TTC39B: variants seen among roughly 807,000 people sequenced by gnomAD.
TTC39B encodes the protein tetratricopeptide repeat domain 39B.
In TTC39B, 92 loss-of-function variants were observed where a neutral mutation model predicts 96.6. The ratio of observed to expected loss-of-function variants is 0.95; its 90% CI spans 0.80 to 1.13. TTC39B has a LOEUF of 1.13. TTC39B is among the 50% of genes most tolerant of loss of function. The probability of loss-of-function intolerance (pLI) is 0.00; values close to 1 mark genes in which losing one functional copy is unlikely to be tolerated. For synonymous variants in TTC39B, 367 were observed against 299.4 expected (o/e 1.23, Z -2.33); for missense variants, 955 against 809.3 (o/e 1.18, Z -2.18).
intron 1 of TTC39B, among the ~76,000 whole-genome samples, chr9:15,284,079 A>C (rs968654199): frequency 2.3e-4 from 35 of 152,336 alleles, no homozygotes; most frequent in Admixed American, 5.2e-4. Flanking sequence ...TAAACAAAGA[A>C]CACTCCTACA....
intron 1 of TTC39B, among the ~76,000 whole-genome samples, chr9:15,270,173 G>GAAA (rs771648676): frequency 1.7e-3 from 237 of 142,214 alleles, no homozygotes; most frequent in African/African-American, 5.9e-3. Flanking sequence ...CCATCTCAAG[G>GAAA]AAAAAAAAAA....
chr9:15,226,447 T>C (rs1357154033), intron 2 of TTC39B, among the ~76,000 whole-genome samples: 2 of 152,186 alleles, frequency 1.3e-5, no homozygotes, highest in Non-Finnish European at 2.9e-5. Context: ...CCAGAGTTGC[T>C]TTATCATAGC....
At position 15,168,955 on chromosome 9, in the gene TTC39B, A is replaced by G. The variant is rs887108485; in HGVS notation, c.*3064T>C. The stretch of plus-strand genomic sequence containing the variant: ...TTATTTGAAATGGTAGGGGGGGAGC[A>G]TTTTTTCTTTACACACTCCCTGCTG... On this transcript the variant is annotated 3_prime_UTR_variant, in exon 20 of 20. Transcript: ENST00000512701. The G allele has an allele frequency of 3.2e-4, 49 of 151,944 alleles. 2 individuals carry two copies. Among genetic ancestry groups the G allele is most frequent in the Admixed American group, 6.6e-5 (1 of 15,252 alleles). The allele number at this position is 151,944 out of a possible 1,614,324, so 9.4% of individuals were successfully genotyped here. A position where few individuals can be genotyped will look rare whatever the true frequency, so the allele number is the denominator to read the frequency against.
At chr9:15,198,017 A>C (rs993635296) in intron 8 of TTC39B, among the ~76,000 whole-genome samples, 1 of 152,246 alleles carries the variant, frequency 6.6e-6, no homozygotes, top group Non-Finnish European at 1.5e-5. Context: ...AGTAAACAGG[A>C]AATATATTTA....
intron 1 of TTC39B, among the ~76,000 whole-genome samples, chr9:15,275,230 G>A (rs1234850222): frequency 5.3e-5 from 8 of 152,116 alleles, no homozygotes; most frequent in South Asian, 4.2e-4. Flanking sequence ...TAGTAGAGAC[G>A]GGGTTTCTCC....
At chr9:15,172,095 T>C (rs773587394) in exon 20 of TTC39B, 1 of 1,612,168 alleles carries the variant, frequency 6.2e-7, no homozygotes, top group Admixed American at 1.7e-5. Context: ...CAGGGAGTAA[T>C]CTTTGTAGTT....
intron 1 of TTC39B, among the ~76,000 whole-genome samples, chr9:15,284,953 A>C (rs1373000125): frequency 6.6e-5 from 10 of 152,196 alleles, no homozygotes; most frequent in African/African-American, 2.4e-4. Flanking sequence ...ATTTCAGCTA[A>C]ATTTGTTTTA....
At chr9:15,241,194 A>T (rs1395996396) in intron 2 of TTC39B, among the ~76,000 whole-genome samples, 1 of 152,084 alleles carries the variant, frequency 6.6e-6, no homozygotes, top group Non-Finnish European at 1.5e-5. Context: ...AAATAGATGG[A>T]TTCATAACTG....
chr9:15,226,954 G>C (rs1821153355), intron 2 of TTC39B, among the ~76,000 whole-genome samples: 1 of 152,002 alleles, frequency 6.6e-6, no homozygotes, highest in Non-Finnish European at 1.5e-5. Context: ...ATTAAAAAAA[G>C]AGGAGAAGTT....
At chr9:15,164,973 T>C (rs1263456365) in exon 20 of TTC39B, 1 of 152,230 alleles carries the variant, frequency 6.6e-6, no homozygotes, top group Non-Finnish European at 1.5e-5. Context: ...AATTATTTTC[T>C]TAAAGAAAAA....
intron 15 of TTC39B, 139 bp from the exon 16 acceptor site, chr9:15,185,545 T>G: frequency 7.3e-7 from 1 of 1,363,494 alleles, no homozygotes; most frequent in Non-Finnish European, 1.0e-6. Flanking sequence ...GAAATGCCAA[T>G]TTTCAGGCCC....
intron 10 of TTC39B, among the ~76,000 whole-genome samples, chr9:15,190,895 AGAAAGCATAG>A (rs996439205): frequency 5.9e-5 from 9 of 152,140 alleles, no homozygotes; most frequent in Admixed American, 3.9e-4. Context: ...TCAACTATTA[AGAAAGCATAG>A]GAAACCACGT....
chr9:15,273,488 G>A lies in TTC39B; in HGVS notation c.241-5540C>T, dbSNP rs562472523. ...CCTCCACATTCCTCCCTCCTCCTCCGCGTTCCTCCTCCTCACCCTCAGCCC... is the reference window on the plus strand; with the variant it reads ...CCTCCACATTCCTCCCTCCTCCTCCACGTTCCTCCTCCTCACCCTCAGCCC... On this transcript the variant is annotated intron_variant, in intron 1 of 19. Transcript: ENST00000512701. Among the ~76,000 whole-genome samples, 521 of 151,890 alleles carry A rather than the reference G, an allele frequency of 3.4e-3. 3 individuals carry two copies. The highest frequency in any genetic ancestry group is 0.012 in the African/African-American group (477 of 41,390).
chr9:15,227,072 C>T (rs1275987968), intron 2 of TTC39B, among the ~76,000 whole-genome samples: 8 of 151,832 alleles, frequency 5.3e-5, no homozygotes, highest in East Asian at 1.9e-4. Flanking sequence ...TTTGGGAGGC[C>T]GAGGCAGGTG....
intron 2 of TTC39B, among the ~76,000 whole-genome samples, chr9:15,257,922 G>A (rs929722519): frequency 7.9e-5 from 12 of 152,028 alleles, no homozygotes; most frequent in East Asian, 1.9e-4. Context: ...AGCCGGGCAC[G>A]GTGGCGGGCG....
At chr9:15,288,575 C>T (rs1414047293) in intron 1 of TTC39B, among the ~76,000 whole-genome samples, 1 of 152,232 alleles carries the variant, frequency 6.6e-6, no homozygotes, top group African/African-American at 2.4e-5. Context: ...CTGAGAGCCA[C>T]CTCCACCATT....
chr9:15,177,040 C>A (rs1010300836), intron 18 of TTC39B, among the ~76,000 whole-genome samples: 1 of 152,130 alleles, frequency 6.6e-6, no homozygotes, highest in African/African-American at 2.4e-5. Flanking sequence ...TCTTTACTGC[C>A]AAATTATTAT....
In TTC39B at chr9:15,214,251, TA is replaced by T. The variant is rs762034812; in HGVS notation, c.372-3del. ...AGATCCACCTTGGTTGATGATGAAC[TA>T]AAGATCAAGAAAAAAGCACAGAGAA... On this transcript the variant is annotated splice_polypyrimidine_tract_variant and splice_region_variant and intron_variant, in intron 3 of 19. Transcript: ENST00000512701. The T allele has an allele frequency of 4.3e-5, 70 of 1,610,628 alleles. No individual in the cohort carries two copies. In the East Asian group the frequency reaches 6.7e-4, roughly 15 times the overall value.
At chr9:15,262,978 C>T (rs568298617) in intron 2 of TTC39B, among the ~76,000 whole-genome samples, 5 of 152,294 alleles carry the variant, frequency 3.3e-5, no homozygotes, top group Non-Finnish European at 5.9e-5. Context: ...GAAATATTGA[C>T]AAACCCTGAA....
Sources: allele counts gnomAD v4.1 joint callset (sites outside exome capture counted in the v4.1 genomes callset), GRCh38; gene constraint gnomAD v4.1.1; transcripts MANE v1.5; gene names NCBI Gene and HGNC (gene_info 2026-07-23, HGNC 2026-07-21).